The following MDGA2 variants were observed in gnomAD, a reference collection of about 807,000 sequenced individuals.
The protein encoded by MDGA2 is MAM domain containing glycosylphosphatidylinositol anchor 2, also known as MAM domain-containing glycosylphosphatidylinositol anchor protein 2.
A neutral mutation model predicts 117.8 loss-of-function variants in MDGA2; 40 were observed. That is an observed-to-expected ratio of 0.34 (90% confidence interval 0.26 to 0.44). The LOEUF (loss-of-function observed/expected upper bound fraction) is 0.44, where lower values mean the gene tolerates loss of function less well. Ranked by LOEUF, MDGA2 falls within the 20% of genes least tolerant of loss-of-function variation. MDGA2 has a pLI of 1.00. For synonymous variants in MDGA2, 452 were observed against 439.0 expected, an observed-to-expected ratio of 1.03 and a Z score of -0.37; for missense variants, 1,123 against 1,250.6, an observed-to-expected ratio of 0.90 and a Z score of 1.54.
intron 7 of MDGA2, 38 bp downstream of exon 7, chr14:47,061,211 T>C (rs760977033): frequency 1.3e-6 from 2 of 1,540,122 alleles, no homozygotes; most frequent in South Asian, 1.2e-5. Flanking sequence ...TCATTCTAAA[T>C]GTGAACATCT....
chr14:46,841,028 T>G lies in MDGA2; in HGVS notation c.*903A>C, dbSNP rs1040676492. ...ATTTGCACATTTAGGCTCTGTAGTT[T>G]GTTTATAAAATAGTTTTACACAAAC... is the stretch of plus-strand genomic sequence containing the variant. On this transcript the variant is annotated 3_prime_UTR_variant, in exon 17 of 17. Transcript: ENST00000399232. 2.0e-5 allele frequency: 3 copies of G among 152,614 alleles called. No homozygotes were observed. The highest frequency in any genetic ancestry group is 7.2e-5 in the African/African-American group (3 of 41,460). The allele number at this position is 152,614 out of a possible 1,614,324, so 9.5% of individuals were successfully genotyped here.
intron 10 of MDGA2, among the ~76,000 whole-genome samples, chr14:46,914,615 G>A (rs1883832666): frequency 6.6e-6 from 1 of 151,978 alleles, no homozygotes; most frequent in African/African-American, 2.4e-5. Context: ...TAATAACACA[G>A]CAATGGTTTT....
intron 7 of MDGA2, among the ~76,000 whole-genome samples, chr14:47,057,917 C>G (rs1889745510): frequency 6.6e-6 from 1 of 151,916 alleles, no homozygotes; most frequent in Non-Finnish European, 1.5e-5. Context: ...CCATGCCTGG[C>G]CCTAAACTGT....
chr14:47,365,923 C>T (rs889108850), intron 1 of MDGA2, among the ~76,000 whole-genome samples: 13 of 152,162 alleles, frequency 8.5e-5, no homozygotes, highest in African/African-American at 3.1e-4. Context: ...CTAACTCTTT[C>T]GTCATTTTTG....
At chr14:47,331,874 T>C (rs367857740) in intron 1 of MDGA2, among the ~76,000 whole-genome samples, 15 of 152,004 alleles carry the variant, frequency 9.9e-5, no homozygotes, top group Non-Finnish European at 1.9e-4. Flanking sequence ...TTTTCGATAA[T>C]TGTCCACTTG....
Position 46,908,398 on chromosome 14 carries a change from A to T in MDGA2, c.2238+11614T>A, listed in dbSNP as rs1883578041. Among the ~76,000 whole-genome samples, 3 of 152,232 alleles carry T rather than the reference A, an allele frequency of 2.0e-5. No individual in the cohort carries two copies. In the South Asian group the frequency reaches 6.2e-4, roughly 32 times the overall value. ...TTTAGGATTATTCTATCCTATTTTA[A>T]AATTGTGATTATTGAGATAGAAAAT... On this transcript the variant is annotated intron_variant, in intron 10 of 16. Transcript: ENST00000399232.
At chr14:46,928,663 TG>T (rs1884422991) in intron 9 of MDGA2, among the ~76,000 whole-genome samples, 1 of 152,142 alleles carries the variant, frequency 6.6e-6, no homozygotes, top group African/African-American at 2.4e-5. Context: ...TCACACACCT[TG>T]ATCCCATAAA....
chr14:47,310,619 T>C lies in MDGA2; in HGVS notation c.281-9069A>G, dbSNP rs183268740. 1.1e-4 allele frequency among the ~76,000 whole-genome samples: 17 copies of C among 152,230 alleles called. 1 individual carries two copies. The highest frequency in any genetic ancestry group is 1.1e-3 in the Admixed American group (17 of 15,268). On this transcript the variant is annotated intron_variant, in intron 1 of 16. Transcript: ENST00000399232. ...ATGAATATATATATATATGTTCCTT[T>C]TTTTATATTGGATCCTATGCTACAT...
chr14:46,880,306 C>G (rs1882394189), intron 11 of MDGA2, among the ~76,000 whole-genome samples: 1 of 151,862 alleles, frequency 6.6e-6, no homozygotes, highest in African/African-American at 2.4e-5. Context: ...GCCTGGGAGA[C>G]AGAGTGAGAC....
chr14:47,173,213 G>A (rs1290117790), intron 3 of MDGA2, among the ~76,000 whole-genome samples: 1 of 152,176 alleles, frequency 6.6e-6, no homozygotes, highest in Non-Finnish European at 1.5e-5. Context: ...GAACCAAGTT[G>A]GAAAACACTC....
intron 1 of MDGA2, among the ~76,000 whole-genome samples, chr14:47,517,930 T>C (rs2138706705): frequency 1.3e-5 from 2 of 152,288 alleles, no homozygotes; most frequent in South Asian, 4.1e-4. Flanking sequence ...TTCTTTCTTT[T>C]AAAAATATCA....
chr14:47,231,773 G>A (rs1886700528), intron 2 of MDGA2, among the ~76,000 whole-genome samples: 2 of 150,070 alleles, frequency 1.3e-5, no homozygotes, highest in Non-Finnish European at 1.5e-5. Context: ...AAAGGGAGAA[G>A]ATGGAGAATT....
intron 1 of MDGA2, among the ~76,000 whole-genome samples, chr14:47,424,032 C>T (rs1195727970): frequency 2.6e-5 from 4 of 152,030 alleles, no homozygotes; most frequent in East Asian, 3.9e-4. Flanking sequence ...AGGCTGGTCT[C>T]GAACTTCTGA....
chr14:47,342,290 T>TGTG (rs1566746834), intron 1 of MDGA2, among the ~76,000 whole-genome samples: 34 of 146,858 alleles, frequency 2.3e-4, no homozygotes, highest in South Asian at 1.1e-3. Flanking sequence ...ATAAAATATG[T>TGTG]TATATATATA....
intron 1 of MDGA2, among the ~76,000 whole-genome samples, chr14:47,483,735 C>T (rs1893999628): frequency 6.6e-6 from 1 of 152,176 alleles, no homozygotes; most frequent in African/African-American, 2.4e-5. Context: ...CTCCTCTCTA[C>T]TTTCCACTCA....
intron 5 of MDGA2, among the ~76,000 whole-genome samples, chr14:47,106,020 G>C (rs1350225910): frequency 2.0e-5 from 3 of 151,750 alleles, no homozygotes; most frequent in East Asian, 3.9e-4. Flanking sequence ...TCTTAAAAAG[G>C]TGGCTGGAGC....
rs867453604 is a variant in MDGA2, at chr14:47,079,763, G to A, written c.1195+17091C>T. Among the ~76,000 whole-genome samples, 8 of 94,912 alleles carry A rather than the reference G, an allele frequency of 8.4e-5. No homozygotes were observed. In the East Asian group the frequency reaches 1.7e-3, roughly 20 times the overall value. 62.3% of individuals were successfully genotyped at this position (94,912 alleles called of 152,430 possible). A position where few individuals can be genotyped will look rare whatever the true frequency, so the allele number is the denominator to read the frequency against. On this transcript the variant is annotated intron_variant, in intron 6 of 16. Coordinates refer to ENST00000399232, the MANE Select transcript of MDGA2 (RefSeq NM_001113498.3). ...TTTTTTTTTTTTGAGACAGAGTCTCGCTCTGTCGCCCAGGCTGGAGTGCAG... is the reference window on the plus strand; with the variant it reads ...TTTTTTTTTTTTGAGACAGAGTCTCACTCTGTCGCCCAGGCTGGAGTGCAG...
At chr14:47,183,458 A>G (rs968353706) in intron 3 of MDGA2, among the ~76,000 whole-genome samples, 14 of 152,128 alleles carry the variant, frequency 9.2e-5, no homozygotes, top group Non-Finnish European at 2.1e-4. Context: ...CAATGTTCAT[A>G]TGTTTTAATG....
At chr14:47,468,595 T>C (rs779024298) in intron 1 of MDGA2, among the ~76,000 whole-genome samples, 189 of 152,142 alleles carry the variant, frequency 1.2e-3, no homozygotes, top group Non-Finnish European at 2.1e-3. Flanking sequence ...AACACAAAGA[T>C]AGGCTGGAAT....
Sources: gnomAD v4.1 joint callset for allele counts (sites outside exome capture counted in the v4.1 genomes callset) on GRCh38, gnomAD v4.1.1 for gene constraint, MANE v1.5 for transcripts, NCBI Gene and HGNC (gene_info 2026-07-23, HGNC 2026-07-21) for gene names.